SH3GL1: variants seen among roughly 807,000 people sequenced by gnomAD.
SH3GL1 encodes SH3 domain containing GRB2 like 1, endophilin A2.
In SH3GL1, 21 loss-of-function variants were observed where a neutral mutation model predicts 48.8. The ratio of observed to expected loss-of-function variants is 0.43; its 90% CI spans 0.30 to 0.62. SH3GL1 has a LOEUF of 0.62. Ranked by LOEUF, SH3GL1 falls within the 20% of genes least tolerant of loss-of-function variation. The pLI, the probability that SH3GL1 is intolerant of heterozygous loss-of-function variation, is 0.11. For missense variants in SH3GL1, 454 were observed against 503.0 expected, an observed-to-expected ratio of 0.90 and a Z score of 0.93; for synonymous variants, 282 against 217.5, an observed-to-expected ratio of 1.30 and a Z score of -2.61.
chr19:4,362,488 A>C, intron 8 of SH3GL1, 103 bp from the exon 9 acceptor site: 1 of 1,573,060 alleles, frequency 6.4e-7, no homozygotes, highest in African/African-American at 1.4e-5. Context: ...TTGGCGGTCC[A>C]GATGGAGCAC....
At chr19:4,379,777 T>C (rs141952235) in intron 1 of SH3GL1, among the ~76,000 whole-genome samples, 66 of 152,222 alleles carry the variant, frequency 4.3e-4, no homozygotes, top group African/African-American at 1.5e-3. Flanking sequence ...ACTGCCAGGA[T>C]GGCTGCTGCT....
intron 1 of SH3GL1, among the ~76,000 whole-genome samples, chr19:4,383,543 T>A (rs1225280560): frequency 6.6e-6 from 1 of 152,174 alleles, no homozygotes; most frequent in Non-Finnish European, 1.5e-5. Flanking sequence ...TTTATGCGTA[T>A]TTCCTTAGTT....
At chr19:4,372,117 C>T (rs1331544095) in intron 1 of SH3GL1, among the ~76,000 whole-genome samples, 4 of 152,336 alleles carry the variant, frequency 2.6e-5, no homozygotes, top group East Asian at 1.9e-4. Context: ...CAAGGCCATA[C>T]ATTTACAGGA....
chr19:4,382,466 C>A (rs980023317), intron 1 of SH3GL1, among the ~76,000 whole-genome samples: 3 of 151,888 alleles, frequency 2.0e-5, no homozygotes, highest in African/African-American at 7.3e-5. Context: ...ACCGTGTTAG[C>A]CAGGATGGTC....
chr19:4,365,503 G>A lies in SH3GL1; in HGVS notation c.310C>T (p.Leu104=). The change falls in exon 4 of 10, where the codon CTG becomes TTG. Residue 104 remains leucine, a synonymous_variant. Transcript: ENST00000269886. ...TCACCAAAGTTGGACTCGCCGCCCA[G>A]CTCCTTCCCGTGGCGGATCATGCAC... ...GECMIRHGKE[L]GGESNFGDAL... 6.2e-7 allele frequency: 1 copy of A among 1,613,926 alleles called. No individual in the cohort carries two copies. Among genetic ancestry groups the A allele is most frequent in the Non-Finnish European group, 8.5e-7 (1 of 1,180,036 alleles).
intron 4 of SH3GL1, among the ~76,000 whole-genome samples, chr19:4,364,922 T>A (rs1195209920): frequency 5.8e-5 from 7 of 119,982 alleles, no homozygotes; most frequent in Non-Finnish European, 1.2e-4. Context: ...ATATATTTTT[T>A]TTTTTTTAGT....
In SH3GL1 at chr19:4,376,533, C is replaced by T. The variant is rs1427572109; in HGVS notation, c.46-9539G>A. 1.3e-5 allele frequency among the ~76,000 whole-genome samples: 2 copies of T among 152,154 alleles called. No individual in the cohort carries two copies. Among genetic ancestry groups the T allele is most frequent in the South Asian group, 2.1e-4 (1 of 4,836 alleles). ...ACAGGAAGCTCTCCTGATTGATCCC[C>T]ATCACTGGTCTCCTCACCTTCTCCC... On this transcript the variant is annotated intron_variant, in intron 1 of 9. Coordinates refer to ENST00000269886, the MANE Select transcript of SH3GL1 (RefSeq NM_003025.4). The surrounding 1 kb of genome is among the most constrained non-coding windows in gnomAD (Gnocchi z 4.3).
intron 1 of SH3GL1, among the ~76,000 whole-genome samples, chr19:4,393,769 G>A (rs934015452): frequency 2.6e-5 from 4 of 151,968 alleles, no homozygotes; most frequent in African/African-American, 4.8e-5. Context: ...CAGCCTGGGC[G>A]ACAGAGCTAG....
At chr19:4,398,864 C>A (rs1189114988) in intron 1 of SH3GL1, among the ~76,000 whole-genome samples, 1 of 152,146 alleles carries the variant, frequency 6.6e-6, no homozygotes. Flanking sequence ...GGGAATTCAT[C>A]CTATAAAACT....
At chr19:4,364,896 G>GTA (rs1972733858) in intron 4 of SH3GL1, among the ~76,000 whole-genome samples, 1 of 116,326 alleles carries the variant, frequency 8.6e-6, no homozygotes, top group Non-Finnish European at 1.8e-5. Flanking sequence ...GTGTGTGTGT[G>GTA]TGTATATATA....
At chr19:4,366,677 AC>A (rs1159522217) in intron 2 of SH3GL1, 104 bp from the exon 3 acceptor site, 12 of 1,064,060 alleles carry the variant, frequency 1.1e-5, no homozygotes, top group East Asian at 2.5e-5. Flanking sequence ...CCATACCAGG[AC>A]CCCCCAACCC....
chr19:4,389,390 C>T lies in SH3GL1; in HGVS notation c.45+10934G>A, dbSNP rs2144916888. On this transcript the variant is annotated intron_variant, in intron 1 of 9. Transcript: ENST00000269886. The surrounding 1 kb of genome is among the most constrained non-coding windows in gnomAD (Gnocchi z 4.5). ...AGATAGAAACGCGTTCGTTATAGGG[C>T]AGACAGGAAGTGGAGAGAAAATGAG... 6.6e-6 allele frequency among the ~76,000 whole-genome samples: 1 copy of T among 151,858 alleles called. No homozygotes were observed. The highest frequency in any genetic ancestry group is 2.1e-4 in the South Asian group (1 of 4,814).
intron 1 of SH3GL1, among the ~76,000 whole-genome samples, chr19:4,399,344 C>CAAAAAAA (rs1973479316): frequency 5.5e-5 from 4 of 72,934 alleles, no homozygotes; most frequent in Non-Finnish European, 1.2e-4. Flanking sequence ...AAAAAAAAAT[C>CAAAAAAA]CAAGAAGTGT....
At position 4,360,702 on chromosome 19, in the gene SH3GL1, A is replaced by T. The variant is rs1972582612; in HGVS notation, c.*898T>A. 4.3e-6 allele frequency: 1 copy of T among 233,278 alleles called. No individual in the cohort carries two copies. The highest frequency in any genetic ancestry group is 8.5e-6 in the Non-Finnish European group (1 of 118,186). 14.5% of individuals were successfully genotyped at this position (233,278 alleles called of 1,614,324 possible). On this transcript the variant is annotated 3_prime_UTR_variant, in exon 10 of 10. Coordinates refer to ENST00000269886, the MANE Select transcript of SH3GL1 (RefSeq NM_003025.4). Reference sequence around the variant, plus strand: ...CAGGGTGAAGTGGCAGCGGCTCAGCAAGGGGAGCCTGGCCACCAGGGGCTG... The same window carrying T: ...CAGGGTGAAGTGGCAGCGGCTCAGCTAGGGGAGCCTGGCCACCAGGGGCTG...
At chr19:4,392,618 G>A (rs1445933195) in intron 1 of SH3GL1, among the ~76,000 whole-genome samples, 1 of 150,792 alleles carries the variant, frequency 6.6e-6, no homozygotes, top group South Asian at 2.1e-4. Flanking sequence ...ACTTTGGTAG[G>A]AAAACCAAGA....
rs923897923 is a variant in SH3GL1 at position 4,376,612 on chromosome 19, T to C, written c.46-9618A>G. Among the ~76,000 whole-genome samples, 5 of 151,946 alleles carry C rather than the reference T, an allele frequency of 3.3e-5. No individual in the cohort carries two copies. Among genetic ancestry groups the C allele is most frequent in the Non-Finnish European group, 7.4e-5 (5 of 67,976 alleles). ...GCGCCTGCCCCTTCACACTTCATCTTACACCCCCATCTGCCTGGGCGGCCC... is the reference window on the plus strand; with the variant it reads ...GCGCCTGCCCCTTCACACTTCATCTCACACCCCCATCTGCCTGGGCGGCCC... On this transcript the variant is annotated intron_variant, in intron 1 of 9. Transcript: ENST00000269886. The surrounding 1 kb of genome is among the most constrained non-coding windows in gnomAD (Gnocchi z 4.3).
intron 4 of SH3GL1, among the ~76,000 whole-genome samples, chr19:4,365,166 G>C (rs1464594562): frequency 6.6e-6 from 1 of 152,084 alleles, no homozygotes; most frequent in South Asian, 2.1e-4. Context: ...CGTTAAACCA[G>C]ACCCTCCAAT....
chr19:4,377,695 T>G (rs928794160), intron 1 of SH3GL1, among the ~76,000 whole-genome samples: 4 of 152,218 alleles, frequency 2.6e-5, no homozygotes, highest in Non-Finnish European at 4.4e-5. Flanking sequence ...CCAGGTCACG[T>G]GCACTGGCTC....
chr19:4,364,886 G>GTGTA (rs1436679385), intron 4 of SH3GL1, among the ~76,000 whole-genome samples: 1 of 90,888 alleles, frequency 1.1e-5, no homozygotes, highest in African/African-American at 4.4e-5. Flanking sequence ...GTGTGTGTGT[G>GTGTA]TGTGTGTGTG....
Sources: allele counts gnomAD v4.1 joint callset (sites outside exome capture counted in the v4.1 genomes callset), GRCh38; gene constraint gnomAD v4.1.1; non-coding constraint Gnocchi (gnomAD v3.1); transcripts MANE v1.5; gene names NCBI Gene and HGNC (gene_info 2026-07-23, HGNC 2026-07-21).